Variants in DAP3 observed in about 807,000 individuals in gnomAD.
DAP3 encodes small ribosomal subunit protein mS29.
A neutral mutation model predicts 51.9 loss-of-function variants in DAP3; 28 were observed. The observed-to-expected ratio is 0.54, with a 90% CI of 0.40 to 0.74. The LOEUF (loss-of-function observed/expected upper bound fraction) is 0.74. DAP3 is among the 30% of genes least tolerant of loss of function. The pLI is 0.00. For synonymous variants in DAP3, 170 were observed against 170.3 expected (o/e 1.00, Z 0.01); for missense variants, 458 against 483.5 (o/e 0.95, Z 0.49).
intron 1 of DAP3, among the ~76,000 whole-genome samples, chr1:155,709,461 G>A (rs1477670815): frequency 6.6e-6 from 1 of 152,034 alleles, no homozygotes; most frequent in African/African-American, 2.4e-5. Context: ...TGTCCCGCCT[G>A]ACTTTTTTAT....
chr1:155,731,391 G>T lies in DAP3; in HGVS notation c.879G>T (p.Leu293Phe), dbSNP rs1557799139. ...AGGAATTAGCACTTGTTCACAACTT[G>T]AGGAAAATGATGAAAAATGATTGGG... ...APEELALVHNLRKMMKNDWHG... is the reference protein window; with the variant it reads ...APEELALVHNFRKMMKNDWHG... The change falls in exon 10 of 13, where the codon TTG becomes TTT. Residue 293 changes from leucine to phenylalanine, a missense_variant. Coordinates refer to ENST00000368336, the MANE Select transcript of DAP3 (RefSeq NM_004632.4). 2 of 1,614,034 alleles carry T rather than the reference G, an allele frequency of 1.2e-6. No individual in the cohort carries two copies. The highest frequency in any genetic ancestry group is 1.7e-6 in the Non-Finnish European group (2 of 1,179,986).
chr1:155,689,100 G>A lies in DAP3; in HGVS notation c.-82G>A. 1 of 1,343,706 alleles carries A rather than the reference G, an allele frequency of 7.4e-7. No individual in the cohort carries two copies. The highest frequency in any genetic ancestry group is 1.3e-5 in the South Asian group (1 of 78,960). 83.2% of individuals were successfully genotyped at this position (1,343,706 alleles called of 1,614,324 possible). ...GACCCGACCCTTTTTTGCAGTCTCA[G>A]GACGGGCGCTTTGGAGCCGGCCCCA... On this transcript the variant is annotated 5_prime_UTR_variant, in exon 1 of 13. Coordinates refer to ENST00000368336, the MANE Select transcript of DAP3 (RefSeq NM_004632.4).
At chr1:155,737,893 C>G (rs1659971813) in intron 12 of DAP3, among the ~76,000 whole-genome samples, 1 of 152,118 alleles carries the variant, frequency 6.6e-6, no homozygotes, top group Non-Finnish European at 1.5e-5. Flanking sequence ...TGGGAGATGT[C>G]ACAAAATCCT....
At chr1:155,701,075 T>G (rs377325052) in intron 1 of DAP3, among the ~76,000 whole-genome samples, 1 of 60,860 alleles carries the variant, frequency 1.6e-5, no homozygotes, top group African/African-American at 9.2e-5. Context: ...CCCCCCTGCC[T>G]GGCCAGCCGC....
chr1:155,719,131 C>T (rs1657686497), intron 3 of DAP3, among the ~76,000 whole-genome samples: 2 of 152,126 alleles, frequency 1.3e-5, no homozygotes, highest in African/African-American at 4.8e-5. Flanking sequence ...GTAGCTTATG[C>T]CTGTAATCCC....
chr1:155,688,262 G>A (rs1558323022), upstream of DAP3: 4 of 1,602,622 alleles, frequency 2.5e-6, no homozygotes, highest in Admixed American at 1.7e-5. Context: ...AAACTGAGAG[G>A]AGGCGGATCC....
At chr1:155,694,256 A>G (rs965724946) in intron 1 of DAP3, among the ~76,000 whole-genome samples, 1 of 141,228 alleles carries the variant, frequency 7.1e-6, no homozygotes, top group African/African-American at 3.2e-5. Context: ...ATTTATTAAC[A>G]TTCCTTCCTC....
Position 155,721,562 on chromosome 1 carries a change from C to G in DAP3, c.214C>G (p.Pro72Ala), listed in dbSNP as rs1481123806. ...CGAGGGTCAGCACTACAACATCTCC[C>G]CCCAGGATTTGGAGACTGTATTTCC... is the stretch of plus-strand genomic sequence containing the variant. ...QHEGQHYNIS[P>A]QDLETVFPHG... Residue 72 changes from proline to alanine, a missense_variant, in exon 4 of 13, where the codon CCC becomes GCC. Coordinates refer to ENST00000368336, the MANE Select transcript of DAP3 (RefSeq NM_004632.4). The G allele has an allele frequency of 6.2e-7, 1 of 1,613,916 alleles. No homozygotes were observed. The highest frequency in any genetic ancestry group is 1.7e-5 in the Admixed American group (1 of 59,960).
intron 4 of DAP3, among the ~76,000 whole-genome samples, chr1:155,725,091 G>C (rs575061007): frequency 6.6e-6 from 1 of 152,222 alleles, no homozygotes; most frequent in South Asian, 2.1e-4. Context: ...TTTGTTATGA[G>C]ATATATCAAT....
chr1:155,711,849 G>C (rs1160520795), intron 2 of DAP3, among the ~76,000 whole-genome samples: 4 of 151,288 alleles, frequency 2.6e-5, no homozygotes, highest in Non-Finnish European at 4.4e-5. Flanking sequence ...GCAAATCACT[G>C]TTGTAAGTCC....
chr1:155,692,214 G>A (rs1174201060), intron 1 of DAP3, among the ~76,000 whole-genome samples: 2 of 141,554 alleles, frequency 1.4e-5, no homozygotes, highest in Non-Finnish European at 2.9e-5. Context: ...CTTGAGCACA[G>A]TGTTTATAGA....
intron 1 of DAP3, among the ~76,000 whole-genome samples, chr1:155,707,813 T>C (rs1412383417): frequency 3.9e-5 from 6 of 152,208 alleles, no homozygotes; most frequent in Non-Finnish European, 8.8e-5. Context: ...GAATTTTATA[T>C]GTTATGTCAT....
At chr1:155,710,688 G>C (rs1335244120) in intron 2 of DAP3, 1 of 152,070 alleles carries the variant, frequency 6.6e-6, no homozygotes, top group East Asian at 1.9e-4. Context: ...TAATATCCTT[G>C]TTTCACAGAT....
At chr1:155,701,487 C>G (rs1298615237) in intron 1 of DAP3, among the ~76,000 whole-genome samples, 1 of 110,642 alleles carries the variant, frequency 9.0e-6, no homozygotes, top group African/African-American at 3.9e-5. Flanking sequence ...GCAGCATGCT[C>G]GTTAAGAGTC....
chr1:155,731,007 T>C (rs1412848444), intron 9 of DAP3, among the ~76,000 whole-genome samples: 1 of 152,086 alleles, frequency 6.6e-6, no homozygotes, highest in Non-Finnish European at 1.5e-5. Flanking sequence ...CAGTGGCTCA[T>C]GCTTGTAATC....
At chr1:155,690,088 G>A (rs1251142824) in intron 1 of DAP3, among the ~76,000 whole-genome samples, 1 of 141,374 alleles carries the variant, frequency 7.1e-6, no homozygotes, top group Admixed American at 6.6e-5. Context: ...AAAGCAGGCC[G>A]GGCGTCTTGT....
At chr1:155,688,369 G>A (rs527960989), upstream of DAP3, 12 of 1,546,718 alleles carry the variant, frequency 7.8e-6, no homozygotes, top group East Asian at 1.5e-4. Flanking sequence ...CCTCCAGAGG[G>A]AGGGAGCTAA....
chr1:155,719,774 C>T (rs1023029426), intron 3 of DAP3, among the ~76,000 whole-genome samples: 2 of 150,768 alleles, frequency 1.3e-5, no homozygotes, highest in African/African-American at 4.9e-5. Context: ...GTCTTGAACT[C>T]CTGACCTCAT....
chr1:155,734,641 C>T (rs182177294), intron 11 of DAP3, among the ~76,000 whole-genome samples: 29 of 152,278 alleles, frequency 1.9e-4, no homozygotes, highest in African/African-American at 7.0e-4. Flanking sequence ...CCTAGGTATA[C>T]TCACTGCTAC....
Sources: gnomAD v4.1 joint callset for allele counts (sites outside exome capture counted in the v4.1 genomes callset) on GRCh38, gnomAD v4.1.1 for gene constraint, MANE v1.5 for transcripts, NCBI Gene and HGNC (gene_info 2026-07-23, HGNC 2026-07-21) for gene names.